Variants in MARCHF1 observed in about 807,000 individuals in gnomAD.
MARCHF1 encodes membrane associated ring-CH-type finger 1.
In MARCHF1, 40 loss-of-function variants were observed where a neutral mutation model predicts 54.2. The observed-to-expected ratio is 0.74, with a 90% CI of 0.57 to 0.96. The LOEUF (loss-of-function observed/expected upper bound fraction) is 0.96. Among genes scored for constraint, MARCHF1 ranks in the 40% least tolerant of loss-of-function variants. The pLI is 0.00. For synonymous variants in MARCHF1, 236 were observed against 236.3 expected, an observed-to-expected ratio of 1.00 and a Z score of 0.01; for missense variants, 586 against 656.5, an observed-to-expected ratio of 0.89 and a Z score of 1.17.
intron 1 of MARCHF1, among the ~76,000 whole-genome samples, chr4:164,150,102 T>C (rs1219525254): frequency 1.3e-5 from 2 of 152,214 alleles, no homozygotes. Context: ...TGTTAGGTTT[T>C]ATGTGCACAC....
intron 1 of MARCHF1, among the ~76,000 whole-genome samples, chr4:164,240,751 T>C (rs553016478): frequency 1.1e-4 from 17 of 152,152 alleles, no homozygotes; most frequent in Admixed American, 3.9e-4. Context: ...AAAATTTAGT[T>C]TACAGTTTAA....
chr4:164,320,677 G>A (rs1735117761), intron 1 of MARCHF1, among the ~76,000 whole-genome samples: 1 of 151,548 alleles, frequency 6.6e-6, no homozygotes, highest in Admixed American at 6.6e-5. Context: ...ACTACAACAT[G>A]GGAATGACCT....
intron 2 of MARCHF1, among the ~76,000 whole-genome samples, chr4:164,059,621 C>T (rs1446681544): frequency 6.6e-6 from 1 of 152,112 alleles, no homozygotes; most frequent in Admixed American, 6.5e-5. Flanking sequence ...AAACAACATG[C>T]AAACATTGTT....
At chr4:163,783,333 G>C (rs975694634) in intron 4 of MARCHF1, among the ~76,000 whole-genome samples, 2 of 152,172 alleles carry the variant, frequency 1.3e-5, no homozygotes, top group African/African-American at 2.4e-5. Context: ...ATCCTGACTA[G>C]CTTAAACAGG....
intron 1 of MARCHF1, among the ~76,000 whole-genome samples, chr4:164,330,343 A>G (rs1258227264): frequency 6.6e-6 from 1 of 152,074 alleles, no homozygotes; most frequent in Non-Finnish European, 1.5e-5. Context: ...ACCAAACCTC[A>G]TGTACAGGAT....
chr4:163,624,238 C>T (rs1741789880), intron 5 of MARCHF1, among the ~76,000 whole-genome samples: 1 of 152,144 alleles, frequency 6.6e-6, no homozygotes, highest in East Asian at 1.9e-4. Flanking sequence ...CTCCGTGAAA[C>T]CCTGTGCACA....
At chr4:163,755,094 G>C (rs1746628757) in intron 4 of MARCHF1, among the ~76,000 whole-genome samples, 1 of 152,158 alleles carries the variant, frequency 6.6e-6, no homozygotes, top group African/African-American at 2.4e-5. Flanking sequence ...GTGCCACCTA[G>C]TTGGCAGAGG....
chr4:163,688,871 T>A (rs28460142), intron 5 of MARCHF1, among the ~76,000 whole-genome samples: 70,815 of 151,938 alleles, frequency 0.47, 16,958 homozygotes, highest in Non-Finnish European at 0.51. Flanking sequence ...ATTGAGTATC[T>A]GCAAAAATTA....
At chr4:163,607,891 C>T (rs766620452) in intron 7 of MARCHF1, among the ~76,000 whole-genome samples, 3 of 152,096 alleles carry the variant, frequency 2.0e-5, no homozygotes, top group Non-Finnish European at 2.9e-5. Context: ...TGCATTTTAA[C>T]AAGCCCTCCA....
At chr4:164,264,918 CG>C (rs1452364888) in intron 1 of MARCHF1, among the ~76,000 whole-genome samples, 6 of 134,946 alleles carry the variant, frequency 4.4e-5, no homozygotes, top group South Asian at 2.2e-4. Context: ...AAGACTCTGT[CG>C]AAAAAAAAAA....
At chr4:164,141,031 C>G (rs951032382) in intron 1 of MARCHF1, among the ~76,000 whole-genome samples, 6 of 152,160 alleles carry the variant, frequency 3.9e-5, no homozygotes, top group Non-Finnish European at 1.5e-5. Flanking sequence ...TTTCCTATAA[C>G]CTGATAGTAT....
intron 8 of MARCHF1, among the ~76,000 whole-genome samples, chr4:163,582,229 C>T (rs987766255): frequency 7.9e-5 from 12 of 152,120 alleles, no homozygotes; most frequent in Admixed American, 6.5e-5. Context: ...TTTTCTGGGC[C>T]CTCAGAATTA....
intron 4 of MARCHF1, among the ~76,000 whole-genome samples, chr4:163,773,397 C>A (rs775340454): frequency 3.9e-5 from 6 of 152,116 alleles, no homozygotes; most frequent in Admixed American, 6.6e-5. Context: ...GATCACATAT[C>A]CTTTGAGCTG....
At chr4:163,918,058 G>A (rs1460584410) in intron 3 of MARCHF1, among the ~76,000 whole-genome samples, 1 of 152,008 alleles carries the variant, frequency 6.6e-6, no homozygotes, top group African/African-American at 2.4e-5. Context: ...TCCATTTTGA[G>A]TTAATTTTTG....
intron 1 of MARCHF1, among the ~76,000 whole-genome samples, chr4:164,204,123 T>C (rs1185797243): frequency 6.6e-6 from 1 of 152,146 alleles, no homozygotes; most frequent in Non-Finnish European, 1.5e-5. Flanking sequence ...CTTGATTATG[T>C]TTCTCTGTCT....
intron 4 of MARCHF1, among the ~76,000 whole-genome samples, chr4:163,715,909 TATA>T (rs1265116246): frequency 6.6e-6 from 1 of 152,196 alleles, no homozygotes; most frequent in African/African-American, 2.4e-5. Context: ...GATATCCAGT[TATA>T]ATAATATAGT....
chr4:164,147,362 A>G (rs1409992588), intron 1 of MARCHF1, among the ~76,000 whole-genome samples: 1 of 148,338 alleles, frequency 6.7e-6, no homozygotes, highest in African/African-American at 2.6e-5. Context: ...TGCTATAAAG[A>G]CACATGCGCA....
chr4:164,228,843 GGGA>G (rs1732330499), intron 1 of MARCHF1, among the ~76,000 whole-genome samples: 1 of 152,124 alleles, frequency 6.6e-6, no homozygotes, highest in African/African-American at 2.4e-5. Flanking sequence ...TCTTAATAGA[GGGA>G]GGAGAGGAAG....
chr4:163,606,058 A>T (rs542937049), intron 7 of MARCHF1, among the ~76,000 whole-genome samples: 4 of 152,196 alleles, frequency 2.6e-5, no homozygotes, highest in African/African-American at 4.8e-5. Context: ...AGTATAATTT[A>T]AAAAAATGAG....
Sources: allele counts gnomAD v4.1 joint callset (sites outside exome capture counted in the v4.1 genomes callset), GRCh38; gene constraint gnomAD v4.1.1; transcripts MANE v1.5; gene names NCBI Gene and HGNC (gene_info 2026-07-23, HGNC 2026-07-21).